Variants in EDA observed in about 807,000 individuals in gnomAD.
EDA encodes ectodysplasin-A.
In EDA, 2 loss-of-function variants were observed where a neutral mutation model predicts 23.6. The observed-to-expected ratio is 0.08, with a 90% CI of 0.03 to 0.27. EDA has a LOEUF of 0.27. Ranked by LOEUF, EDA falls within the 10% of genes least tolerant of loss-of-function variation. EDA has a pLI of 1.00. For missense variants in EDA, 229 were observed against 324.2 expected, an observed-to-expected ratio of 0.71 and a Z score of 2.26; for synonymous variants, 131 against 132.0, an observed-to-expected ratio of 0.99 and a Z score of 0.05.
chrX:69,820,378 G>C (rs78637330), intron 1 of EDA, among the ~76,000 whole-genome samples: 1 of 111,709 alleles, frequency 9.0e-6, no homozygotes, highest in Non-Finnish European at 1.9e-5. Context: ...TGCAACAAAA[G>C]CAAAAATTGA....
At chrX:69,855,317 C>T (rs1468141860) in intron 1 of EDA, among the ~76,000 whole-genome samples, 1 of 111,789 alleles carries the variant, frequency 8.9e-6, no homozygotes, top group Non-Finnish European at 1.9e-5. Context: ...AATTAGATCA[C>T]ATTTGTCAGT....
chrX:69,676,518 G>A (rs1476546417), intron 1 of EDA, among the ~76,000 whole-genome samples: 6 of 107,933 alleles, frequency 5.6e-5, no homozygotes, highest in Non-Finnish European at 9.5e-5. Flanking sequence ...GCGCACGTGT[G>A]CTTGTGTGTG....
At chrX:69,637,739 A>G (rs1329803840) in intron 1 of EDA, among the ~76,000 whole-genome samples, 1 of 111,504 alleles carries the variant, frequency 9.0e-6, no homozygotes, top group African/African-American at 3.3e-5. Context: ...CAAAGAGGCA[A>G]TGGATATGAA....
chrX:69,829,989 T>C (rs1479062881), intron 1 of EDA, among the ~76,000 whole-genome samples: 1 of 111,746 alleles, frequency 8.9e-6, no homozygotes, highest in African/African-American at 3.3e-5. Flanking sequence ...TTTGACAGTA[T>C]TGTCTAATGT....
intron 1 of EDA, among the ~76,000 whole-genome samples, chrX:69,812,908 G>A (rs1014768901): frequency 3.6e-5 from 4 of 111,474 alleles, no homozygotes; most frequent in East Asian, 2.8e-4. Context: ...TATTTGATGC[G>A]TTTCTAATTA....
chrX:69,955,280 A>G (rs1053927880), intron 1 of EDA, among the ~76,000 whole-genome samples: 8 of 112,206 alleles, frequency 7.1e-5, no homozygotes, highest in Non-Finnish European at 1.5e-4. Context: ...AATACTACTC[A>G]GTTGAACCAT....
intron 1 of EDA, among the ~76,000 whole-genome samples, chrX:69,889,900 G>T (rs180723259): frequency 9.2e-4 from 103 of 111,587 alleles, no homozygotes; most frequent in African/African-American, 3.3e-3. Flanking sequence ...TCTTCTAGCA[G>T]TTTTATAGTA....
At chrX:69,874,946 A>G (rs2017621009) in intron 1 of EDA, among the ~76,000 whole-genome samples, 1 of 112,199 alleles carries the variant, frequency 8.9e-6, no homozygotes, top group African/African-American at 3.2e-5. Flanking sequence ...AAAGACCTCT[A>G]TGAGGAAAAC....
intron 1 of EDA, among the ~76,000 whole-genome samples, chrX:69,657,298 G>T (rs1184446077): frequency 8.9e-6 from 1 of 112,165 alleles, no homozygotes; most frequent in African/African-American, 3.2e-5. Flanking sequence ...TTTGAGAAGT[G>T]TCTGTTCATG....
At chrX:69,700,345 G>A (rs1236724735) in intron 1 of EDA, among the ~76,000 whole-genome samples, 2 of 111,667 alleles carry the variant, frequency 1.8e-5, no homozygotes, top group Non-Finnish European at 3.8e-5. Flanking sequence ...AGGCAAAGAG[G>A]TCTTGAGAAT....
At chrX:69,747,281 G>A (rs2013652843) in intron 1 of EDA, among the ~76,000 whole-genome samples, 1 of 112,049 alleles carries the variant, frequency 8.9e-6, no homozygotes, top group Non-Finnish European at 1.9e-5. Flanking sequence ...GAAGGAACTA[G>A]CCACACAAAG....
intron 1 of EDA, among the ~76,000 whole-genome samples, chrX:69,797,623 A>G (rs1229268734): frequency 8.9e-6 from 1 of 111,734 alleles, no homozygotes; most frequent in Non-Finnish European, 1.9e-5. Context: ...TACATTTACC[A>G]TCATAAAAAC....
intron 1 of EDA, among the ~76,000 whole-genome samples, chrX:69,827,617 G>T (rs1439925657): frequency 1.8e-5 from 2 of 111,247 alleles, no homozygotes; most frequent in Admixed American, 9.6e-5. Context: ...TTTTTTCAAA[G>T]TTTTCAACCT....
chrX:69,849,032 G>A (rs1021379299), intron 1 of EDA, among the ~76,000 whole-genome samples: 5 of 97,904 alleles, frequency 5.1e-5, no homozygotes, highest in African/African-American at 7.3e-5. Flanking sequence ...TTCATATCCC[G>A]TTTAACATGT....
At position 69,849,080 on chromosome X, in the gene EDA, TATACACACACACACACACACACAC is replaced by T. The variant is rs1454015816; in HGVS notation, c.397-107945_397-107922del. Among the ~76,000 whole-genome samples, 286 of 84,720 alleles carry T rather than the reference TATACACACACACACACACACACAC, an allele frequency of 3.4e-3. 1 individual carries two copies. The highest frequency in any genetic ancestry group is 8.4e-3 in the African/African-American group (162 of 19,324). 73.6% of individuals were successfully genotyped at this position (84,720 alleles called of 115,157 possible). On this transcript the variant is annotated intron_variant, in intron 1 of 7. Transcript: ENST00000374552. ...TTTAATATAATGCACACAAAGTCTA[TATACACACACACACACACACACAC>T]ACACACACACACACACACACACACA...
intron 2 of EDA, among the ~76,000 whole-genome samples, chrX:69,975,113 G>C (rs2019298684): frequency 9.0e-6 from 1 of 110,967 alleles, no homozygotes; most frequent in Non-Finnish European, 1.9e-5. Flanking sequence ...CCCGTTACTG[G>C]GTATATATCC....
chrX:69,715,876 A>G (rs773372932), intron 1 of EDA, among the ~76,000 whole-genome samples: 2 of 110,310 alleles, frequency 1.8e-5, no homozygotes, highest in Non-Finnish European at 3.8e-5. Context: ...CTGCATGTAT[A>G]TATTCTTTTG....
chrX:69,882,724 C>T lies in EDA; in HGVS notation c.397-74303C>T, dbSNP rs933391635. On this transcript the variant is annotated intron_variant, in intron 1 of 7. Coordinates refer to ENST00000374552, the MANE Select transcript of EDA (RefSeq NM_001399.5). Reference sequence around the variant, plus strand: ...TTGTAACTACTTTTTTTTTTTGAGACGGAGTTTCACTCTTGTTGCACAGGC... The same window carrying T: ...TTGTAACTACTTTTTTTTTTTGAGATGGAGTTTCACTCTTGTTGCACAGGC... Among the ~76,000 whole-genome samples the T allele has an allele frequency of 1.8e-4, 19 of 107,926 alleles. 1 individual carries two copies. Among genetic ancestry groups the T allele is most frequent in the Admixed American group, 7.9e-4 (8 of 10,073 alleles). 93.7% of individuals were successfully genotyped at this position (107,926 alleles called of 115,157 possible).
chrX:69,778,180 TAA>T (rs902646773), intron 1 of EDA, among the ~76,000 whole-genome samples: 6 of 111,894 alleles, frequency 5.4e-5, no homozygotes, highest in Admixed American at 9.6e-5. Context: ...CAGTGTAATA[TAA>T]AAGTCAAAGT....
Sources: allele counts gnomAD v4.1 joint callset (sites outside exome capture counted in the v4.1 genomes callset), GRCh38; gene constraint gnomAD v4.1.1; transcripts MANE v1.5; gene names NCBI Gene and HGNC (gene_info 2026-07-23, HGNC 2026-07-21).